Variants in FGD6 observed in about 807,000 individuals in gnomAD.
FGD6 encodes FYVE, RhoGEF and PH domain containing 6.
A neutral mutation model predicts 149.4 loss-of-function variants in FGD6; 90 were observed. The ratio of observed to expected loss-of-function variants is 0.60; its 90% confidence interval spans 0.51 to 0.72. The LOEUF (loss-of-function observed/expected upper bound fraction) is 0.72, where lower values mean the gene tolerates loss of function less well. Among genes scored for constraint, FGD6 ranks in the 30% least tolerant of loss-of-function variants. The pLI is 0.00. For missense variants in FGD6, 1,437 were observed against 1,684.8 expected (o/e 0.85, Z 2.57); for synonymous variants, 527 against 584.0 (o/e 0.90, Z 1.41).
At position 95,210,701 on chromosome 12, in the gene FGD6, T is replaced by C. The variant is rs1365314215; in HGVS notation, c.583A>G (p.Ile195Val). ...DALIHQMPPF[I>V]SAQKHRPTDS... Reference sequence around the variant, plus strand: ...GTGGGCCTGTGCTTCTGTGCAGAAATAAAAGGTGGCATTTGGTGTATTAAG... The same window carrying C: ...GTGGGCCTGTGCTTCTGTGCAGAAACAAAAGGTGGCATTTGGTGTATTAAG... Residue 195 changes from isoleucine to valine, a missense_variant, in exon 2 of 21, where the codon ATT becomes GTT. Coordinates refer to ENST00000343958, the MANE Select transcript of FGD6 (RefSeq NM_018351.4). The C allele has an allele frequency of 6.2e-7, 1 of 1,613,850 alleles. No individual in the cohort carries two copies. Among genetic ancestry groups the C allele is most frequent in the Non-Finnish European group, 8.5e-7 (1 of 1,179,960 alleles).
intron 8 of FGD6, among the ~76,000 whole-genome samples, chr12:95,134,209 C>T (rs909003993): frequency 1.3e-5 from 2 of 151,974 alleles, no homozygotes; most frequent in African/African-American, 2.4e-5. Flanking sequence ...AAGATCCTCC[C>T]GCCTCAGCCT....
intron 3 of FGD6, among the ~76,000 whole-genome samples, chr12:95,153,490 C>T (rs752210511): frequency 3.9e-5 from 6 of 152,180 alleles, no homozygotes; most frequent in Middle Eastern, 3.4e-3. Context: ...GGAGAAACCC[C>T]GCCTCCACTA....
At chr12:95,092,888 C>T (rs1313361975) in intron 15 of FGD6, 43 bp from the exon 16 acceptor site, 6 of 1,566,010 alleles carry the variant, frequency 3.8e-6, no homozygotes, top group Non-Finnish European at 5.2e-6. Context: ...ATGCACACTG[C>T]CTGCCTTTTT....
chr12:95,121,450 C>A (rs1397591622), intron 8 of FGD6, among the ~76,000 whole-genome samples: 247 of 105,384 alleles, frequency 2.3e-3, no homozygotes, highest in Admixed American at 2.8e-3. Flanking sequence ...AATTCCGTCT[C>A]AAAAAAAAAA....
intron 3 of FGD6, among the ~76,000 whole-genome samples, chr12:95,153,946 T>TGTGTGTGTGA (rs1192369573): frequency 3.6e-5 from 5 of 137,618 alleles, no homozygotes; most frequent in African/African-American, 1.4e-4. Flanking sequence ...TGTGTGTGTG[T>TGTGTGTGTGA]GAGTGAGAGA....
chr12:95,199,995 T>A (rs1325558097), intron 2 of FGD6, among the ~76,000 whole-genome samples: 1 of 152,182 alleles, frequency 6.6e-6, no homozygotes. Flanking sequence ...TCCTTCTTTA[T>A]ACATTTTGTC....
chr12:95,122,625 A>C (rs1879223798), intron 8 of FGD6, among the ~76,000 whole-genome samples: 2 of 146,138 alleles, frequency 1.4e-5, no homozygotes, highest in Non-Finnish European at 3.0e-5. Flanking sequence ...TAGCCTGGGC[A>C]ACAGAGCGAG....
chr12:95,177,874 A>G (rs1348132984), intron 2 of FGD6, among the ~76,000 whole-genome samples: 1 of 151,694 alleles, frequency 6.6e-6, no homozygotes, highest in Non-Finnish European at 1.5e-5. Context: ...CCACTGTCAC[A>G]GTAAAACCAT....
chr12:95,102,060 C>T (rs1699818805), intron 14 of FGD6, among the ~76,000 whole-genome samples: 1 of 71,750 alleles, frequency 1.4e-5, no homozygotes, highest in Non-Finnish European at 2.8e-5. Flanking sequence ...GCCTGTAGCA[C>T]TTTGGGAGGC....
intron 3 of FGD6, among the ~76,000 whole-genome samples, chr12:95,154,750 A>G (rs1880419753): frequency 1.3e-5 from 2 of 152,182 alleles, no homozygotes; most frequent in South Asian, 4.1e-4. Context: ...CATGATAAAC[A>G]TTAAAAATGA....
At chr12:95,203,380 C>T (rs536558607) in intron 2 of FGD6, among the ~76,000 whole-genome samples, 1 of 152,252 alleles carries the variant, frequency 6.6e-6, no homozygotes, top group South Asian at 2.1e-4. Context: ...TCTTCTCAGT[C>T]CCAGTTTGCA....
chr12:95,085,652 A>C (rs776559430), intron 19 of FGD6, 128 bp downstream of exon 19: 53 of 1,005,064 alleles, frequency 5.3e-5, no homozygotes, highest in Middle Eastern at 3.3e-4. Context: ...AACAGCAACA[A>C]CACCTCCCCC....
intron 5 of FGD6, among the ~76,000 whole-genome samples, chr12:95,151,113 G>C (rs1880297780): frequency 1.3e-5 from 2 of 151,760 alleles, no homozygotes; most frequent in South Asian, 4.2e-4. Flanking sequence ...AGGAGAGAGA[G>C]AGGAAGAGAG....
intron 14 of FGD6, chr12:95,100,897 G>T: frequency 2.7e-6 from 1 of 369,674 alleles, no homozygotes; most frequent in South Asian, 2.4e-5. Context: ...CAGAGCTTAT[G>T]GTGTTTATTT....
chr12:95,077,267 G>A lies in FGD6; in HGVS notation c.*4253C>T, dbSNP rs1877524200. ...AGGTACCCTGCCAGAAATCTCAAAT[G>A]AGTAAGTTGTCCTTAGGGATAGAAG... On this transcript the variant is annotated 3_prime_UTR_variant, in exon 21 of 21. Transcript: ENST00000343958. 6.6e-6 allele frequency: 1 copy of A among 152,184 alleles called. No individual in the cohort carries two copies. The highest frequency in any genetic ancestry group is 1.5e-5 in the Non-Finnish European group (1 of 68,042). 9.4% of individuals were successfully genotyped at this position (152,184 alleles called of 1,614,324 possible).
intron 2 of FGD6, among the ~76,000 whole-genome samples, chr12:95,205,754 C>A (rs1337543894): frequency 1.3e-5 from 2 of 152,170 alleles, no homozygotes; most frequent in East Asian, 3.9e-4. Flanking sequence ...ACAAGAGGAA[C>A]AACCTCCCAG....
chr12:95,215,985 T>A (rs2056760662), intron 1 of FGD6, among the ~76,000 whole-genome samples: 1 of 152,240 alleles, frequency 6.6e-6, no homozygotes, highest in Admixed American at 6.5e-5. Context: ...ATAATTTACC[T>A]TATGTAAGTA....
At chr12:95,202,464 A>G (rs180862464) in intron 2 of FGD6, among the ~76,000 whole-genome samples, 4 of 147,554 alleles carry the variant, frequency 2.7e-5, no homozygotes, top group African/African-American at 9.9e-5. Context: ...AATGAGACCA[A>G]AGTAACACAG....
intron 1 of FGD6, among the ~76,000 whole-genome samples, chr12:95,215,884 A>T (rs988654647): frequency 6.6e-6 from 1 of 152,252 alleles, no homozygotes; most frequent in Non-Finnish European, 1.5e-5. Context: ...GAAAGAGCTA[A>T]AACTGGCTGG....
Sources: allele counts gnomAD v4.1 joint callset (sites outside exome capture counted in the v4.1 genomes callset), GRCh38; gene constraint gnomAD v4.1.1; transcripts MANE v1.5; gene names NCBI Gene and HGNC (gene_info 2026-07-23, HGNC 2026-07-21).